UAP1: variants seen among roughly 807,000 people sequenced by gnomAD.
UAP1 encodes the protein UDP-N-acetylhexosamine pyrophosphorylase.
In UAP1, 25 loss-of-function variants were observed where a neutral mutation model predicts 58.5. That is an observed-to-expected ratio of 0.43 (90% confidence interval 0.31 to 0.60). UAP1 has a LOEUF of 0.60. Among genes scored for constraint, UAP1 ranks in the 20% least tolerant of loss-of-function variants. UAP1 has a pLI of 0.11. For synonymous variants in UAP1, 208 were observed against 213.0 expected (o/e 0.98, Z 0.21); for missense variants, 575 against 630.0 (o/e 0.91, Z 0.93).
rs557561058 is a variant in UAP1, at chr1:162,592,796, C to G, written c.1409+14C>G. 2.1e-5 allele frequency: 33 copies of G among 1,547,538 alleles called. 1 individual carries two copies. The African/African-American group carries it at 4.4e-4, about 21-fold the overall frequency. On this transcript the variant is annotated intron_variant, in intron 9 of 10. Coordinates refer to ENST00000271469, the Ensembl canonical transcript of UAP1. The stretch of plus-strand genomic sequence containing the variant: ...TGTCAATCACAAGTAAATATACCAG[C>G]CTGCCTACAGTGCATGGTGATGGGG...
intron 2 of UAP1, among the ~76,000 whole-genome samples, chr1:162,569,768 T>C (rs1237980692): frequency 6.6e-6 from 1 of 152,234 alleles, no homozygotes; most frequent in Non-Finnish European, 1.5e-5. Context: ...GTAAGTGGAT[T>C]ATTTAGAAGA....
At chr1:162,577,434 CCT>C (rs1654262518) in intron 3 of UAP1, among the ~76,000 whole-genome samples, 2 of 138,150 alleles carry the variant, frequency 1.4e-5, no homozygotes, top group African/African-American at 5.8e-5. Flanking sequence ...TAGTTCCTTC[CCT>C]TTTTTTTTTT....
intron 5 of UAP1, among the ~76,000 whole-genome samples, chr1:162,586,840 A>G (rs1654930125): frequency 6.6e-6 from 1 of 152,192 alleles, no homozygotes; most frequent in South Asian, 2.1e-4. Flanking sequence ...GAAGTATAGA[A>G]TCACTTATTT....
At chr1:162,578,227 T>C (rs988676217) in intron 3 of UAP1, among the ~76,000 whole-genome samples, 2 of 152,168 alleles carry the variant, frequency 1.3e-5, no homozygotes, top group Non-Finnish European at 2.9e-5. Flanking sequence ...ACAAAAGCTC[T>C]ACTAGTTTCT....
intron 5 of UAP1, among the ~76,000 whole-genome samples, chr1:162,585,107 TC>T (rs1193573283): frequency 2.0e-5 from 3 of 151,642 alleles, no homozygotes; most frequent in Middle Eastern, 3.5e-3. Context: ...CAGGCTGGTC[TC>T]TTAACTCCTG....
intron 5 of UAP1, among the ~76,000 whole-genome samples, chr1:162,585,847 C>T (rs1654877898): frequency 6.6e-6 from 1 of 151,586 alleles, no homozygotes; most frequent in Non-Finnish European, 1.5e-5. Flanking sequence ...GTAAGATACC[C>T]ACTGTAGGTA....
intron 3 of UAP1, among the ~76,000 whole-genome samples, chr1:162,578,277 A>G (rs770660666): frequency 1.3e-5 from 2 of 152,168 alleles, no homozygotes; most frequent in Admixed American, 6.5e-5. Flanking sequence ...CATATTCACC[A>G]CTAGCCTGTA....
At chr1:162,581,305 A>T in exon 5 of UAP1, 1 of 1,612,658 alleles carries the variant, frequency 6.2e-7, no homozygotes, top group Admixed American at 1.7e-5. Flanking sequence ...GGTGGTCTTT[A>T]TCGGGCACTT....
chr1:162,599,126 A>G, intron 10 of UAP1, 145 bp from the exon 11 acceptor site: 1 of 507,838 alleles, frequency 2.0e-6, no homozygotes, highest in Non-Finnish European at 3.5e-6. Flanking sequence ...CTACTCTAAA[A>G]TGTCTATTAA....
exon 3 of UAP1, chr1:162,576,896 A>G: frequency 1.2e-6 from 2 of 1,614,144 alleles, no homozygotes; most frequent in South Asian, 2.2e-5. Context: ...ATCCCGTAAG[A>G]CACTTTTTCA....
At chr1:162,600,460 A>T (rs1370554737), downstream of UAP1, among the ~76,000 whole-genome samples, 2 of 152,192 alleles carry the variant, frequency 1.3e-5, no homozygotes, top group Admixed American at 1.3e-4. Flanking sequence ...TTGCATGAAA[A>T]GACTGAGCTT....
rs1257133834 is a variant in UAP1 at position 162,589,126 on chromosome 1, TATATA to T, written c.1169+296_1169+300del. Among the ~76,000 whole-genome samples the T allele has an allele frequency of 7.6e-3, 868 of 114,012 alleles. 7 individuals are homozygous for T. Among genetic ancestry groups the T allele is most frequent in the African/African-American group, 0.03 (839 of 27,750 alleles). The allele number at this position is 114,012 out of a possible 152,430, so 74.8% of individuals were successfully genotyped here. A position where few individuals can be genotyped will look rare whatever the true frequency, so the allele number is the denominator to read the frequency against. On this transcript the variant is annotated intron_variant, in intron 7 of 10. Coordinates refer to ENST00000271469, the Ensembl canonical transcript of UAP1. ...ATATATATTATATATATATTTTATATATATAATTTATATATTTATATAATATATAT... is the reference window on the plus strand; with the variant it reads ...ATATATATTATATATATATTTTATATATTTATATATTTATATAATATATAT...
At chr1:162,598,575 A>G (rs1284408318) in intron 10 of UAP1, among the ~76,000 whole-genome samples, 1 of 152,176 alleles carries the variant, frequency 6.6e-6, no homozygotes. Context: ...TCTTTCAAGG[A>G]TTCTAGTTTG....
In UAP1 at chr1:162,583,238, C is replaced by T. The variant is rs182917834; in HGVS notation, c.834+1779C>T. 2.9e-4 allele frequency among the ~76,000 whole-genome samples: 43 copies of T among 148,656 alleles called. No individual in the cohort carries two copies. In the East Asian group the frequency reaches 7.2e-3, roughly 25 times the overall value. On this transcript the variant is annotated intron_variant, in intron 5 of 10. Coordinates refer to ENST00000271469, the Ensembl canonical transcript of UAP1. ...CATGATCTTGGCTCACTGCAACCTC[C>T]GTCTCCCAGGTTCAAGCAATTCTCC...
intron 2 of UAP1, among the ~76,000 whole-genome samples, chr1:162,575,200 C>G (rs1009026690): frequency 1.3e-5 from 2 of 152,264 alleles, no homozygotes; most frequent in Non-Finnish European, 2.9e-5. Flanking sequence ...TCCTGAGTAG[C>G]TGGGATTACA....
chr1:162,563,841 A>G (rs1019593269), intron 1 of UAP1, among the ~76,000 whole-genome samples: 37 of 152,268 alleles, frequency 2.4e-4, no homozygotes, highest in African/African-American at 8.4e-4. Flanking sequence ...GGCATGTGAG[A>G]AAGGTTGGTT....
chr1:162,583,336 G>A (rs1654717024), intron 5 of UAP1, among the ~76,000 whole-genome samples: 1 of 151,602 alleles, frequency 6.6e-6, no homozygotes, highest in East Asian at 1.9e-4. Context: ...TGTATTTTTA[G>A]TACAGACGGG....
In UAP1 at chr1:162,588,177, G is replaced by A. The variant is rs150532463; in HGVS notation, c.1028+509G>A. Reference sequence around the variant, plus strand: ...ACTTGACACCTGCATGAAAATTAGCGGGTAGTGCTACAAAGGATAAAATAA... The same window carrying A: ...ACTTGACACCTGCATGAAAATTAGCAGGTAGTGCTACAAAGGATAAAATAA... On this transcript the variant is annotated intron_variant, in intron 6 of 10. Transcript: ENST00000271469. The A allele has an allele frequency of 3.8e-3, 588 of 154,060 alleles. 2 individuals carry two copies. Among genetic ancestry groups the A allele is most frequent in the African/African-American group, 0.013 (554 of 41,588 alleles). 9.5% of individuals were successfully genotyped at this position (154,060 alleles called of 1,614,324 possible).
At chr1:162,561,653 C>T (rs1401765927) in exon 1 of UAP1, 1 of 152,250 alleles carries the variant, frequency 6.6e-6, no homozygotes, top group African/African-American at 2.4e-5. Context: ...GGCCCCCGCT[C>T]CCGGCCCGCC....
Sources: allele counts gnomAD v4.1 joint callset (sites outside exome capture counted in the v4.1 genomes callset), GRCh38; gene constraint gnomAD v4.1.1; transcripts MANE v1.5; gene names NCBI Gene and HGNC (gene_info 2026-07-23, HGNC 2026-07-21).